GPATCH2: variants seen among roughly 807,000 people sequenced by gnomAD.
GPATCH2 encodes the protein G-patch domain containing 2.
GPATCH2 carries 51 observed loss-of-function variants against 58.0 expected under a neutral mutation model. The ratio of observed to expected loss-of-function variants is 0.88; its 90% CI spans 0.70 to 1.11. The LOEUF is 1.11. Among genes scored for constraint, GPATCH2 ranks in the 50% most tolerant of loss-of-function variants. The pLI, the probability that GPATCH2 is intolerant of heterozygous loss-of-function variation, is 0.00. For missense variants in GPATCH2, 625 were observed against 652.2 expected (o/e 0.96, Z 0.45); for synonymous variants, 222 against 218.5 (o/e 1.02, Z -0.14).
chr1:217,608,992 T>C, intron 5 of GPATCH2: 1 of 978,620 alleles, frequency 1.0e-6, no homozygotes, highest in Non-Finnish European at 1.2e-6. Context: ...AATGGCAACT[T>C]GAAGTTTCTT....
chr1:217,617,974 G>T (rs960915594), intron 2 of GPATCH2, among the ~76,000 whole-genome samples: 3 of 151,938 alleles, frequency 2.0e-5, no homozygotes, highest in Admixed American at 1.3e-4. Context: ...TAAAAAAAAG[G>T]GGGGGAGCTT....
At chr1:217,609,708 T>C (rs956990717) in intron 5 of GPATCH2, 2 of 965,050 alleles carry the variant, frequency 2.1e-6, no homozygotes, top group Middle Eastern at 5.3e-4. Flanking sequence ...TCTCTAAAAA[T>C]GAACCATAAA....
chr1:217,594,051 T>A (rs1289326474), intron 5 of GPATCH2, among the ~76,000 whole-genome samples: 2 of 152,116 alleles, frequency 1.3e-5, no homozygotes, highest in Non-Finnish European at 2.9e-5. Flanking sequence ...GTTACAAGTA[T>A]TAGAATAATA....
At chr1:217,515,432 T>G (rs1571842183) in intron 5 of GPATCH2, among the ~76,000 whole-genome samples, 1 of 152,114 alleles carries the variant, frequency 6.6e-6, no homozygotes, top group Non-Finnish European at 1.5e-5. Flanking sequence ...TAAAAGAATC[T>G]TGGCCGGGCA....
intron 5 of GPATCH2, among the ~76,000 whole-genome samples, chr1:217,567,985 C>T (rs763295541): frequency 5.9e-5 from 9 of 152,088 alleles, no homozygotes; most frequent in Non-Finnish European, 1.2e-4. Flanking sequence ...AGCACGGTGG[C>T]GGGCGCCTGC....
chr1:217,621,438 C>T (rs1669181737), intron 1 of GPATCH2, among the ~76,000 whole-genome samples: 2 of 152,114 alleles, frequency 1.3e-5, no homozygotes, highest in African/African-American at 2.4e-5. Flanking sequence ...TTGAAATATT[C>T]TCAACAGTCA....
At chr1:217,508,464 A>C (rs573084584) in intron 6 of GPATCH2, among the ~76,000 whole-genome samples, 72 of 152,280 alleles carry the variant, frequency 4.7e-4, no homozygotes, top group African/African-American at 1.5e-3. Flanking sequence ...CTCTACTTCA[A>C]ACTGAAATAA....
rs1301833808 is a variant in GPATCH2, at chr1:217,594,133, TAAACTGA to T, written c.1098+16181_1098+16187del. 3.3e-5 allele frequency among the ~76,000 whole-genome samples: 5 copies of T among 152,216 alleles called. No individual in the cohort carries two copies. The South Asian group carries it at 6.2e-4, about 19-fold the overall frequency. Reference sequence around the variant, plus strand: ...GCTCCATAAATGTAAAACTAAATTTTAAACTGAATATATCATATGTGATGCATATTTG... The same window carrying T: ...GCTCCATAAATGTAAAACTAAATTTTATATATCATATGTGATGCATATTTG... On this transcript the variant is annotated intron_variant, in intron 5 of 9. Transcript: ENST00000366935.
At chr1:217,435,560 C>T (rs890541725) in intron 9 of GPATCH2, among the ~76,000 whole-genome samples, 4 of 152,130 alleles carry the variant, frequency 2.6e-5, no homozygotes, top group Non-Finnish European at 4.4e-5. Context: ...TAGTGCACTC[C>T]GCCTCTGTCC....
intron 1 of GPATCH2, among the ~76,000 whole-genome samples, chr1:217,623,825 C>T (rs1326806824): frequency 6.6e-6 from 1 of 151,902 alleles, no homozygotes; most frequent in Non-Finnish European, 1.5e-5. Flanking sequence ...TCACTTGAAC[C>T]CAGGAGGCGG....
At position 217,528,831 on chromosome 1, in the gene GPATCH2, G is replaced by A. The variant is rs1571867677; in HGVS notation, c.1099-13942C>T. Among the ~76,000 whole-genome samples, 3 of 152,304 alleles carry A rather than the reference G, an allele frequency of 2.0e-5. No individual in the cohort carries two copies. In the South Asian group the frequency reaches 6.2e-4, roughly 32 times the overall value. ...CCAGGAGTTCCTGTACCCTCTTGAG[G>A]GGACCAGGGTGAGGACTGTCTTGGG... On this transcript the variant is annotated intron_variant, in intron 5 of 9. Transcript: ENST00000366935.
chr1:217,533,614 A>G (rs1047855385), intron 5 of GPATCH2, among the ~76,000 whole-genome samples: 2 of 152,150 alleles, frequency 1.3e-5, no homozygotes, highest in African/African-American at 4.8e-5. Flanking sequence ...TGTTTCTCCC[A>G]TACATTGCTC....
At chr1:217,539,009 C>T (rs1190496923) in intron 5 of GPATCH2, among the ~76,000 whole-genome samples, 2 of 152,032 alleles carry the variant, frequency 1.3e-5, no homozygotes, top group East Asian at 3.9e-4. Context: ...ACAAGATTTG[C>T]CATTTGGGGT....
At chr1:217,552,723 G>C (rs540575982) in intron 5 of GPATCH2, among the ~76,000 whole-genome samples, 1 of 152,124 alleles carries the variant, frequency 6.6e-6, no homozygotes, top group Non-Finnish European at 1.5e-5. Flanking sequence ...TAGGTCTACA[G>C]AGATGAAATA....
At chr1:217,604,354 A>G (rs565875899) in intron 5 of GPATCH2, among the ~76,000 whole-genome samples, 2 of 152,262 alleles carry the variant, frequency 1.3e-5, no homozygotes, top group East Asian at 3.9e-4. Flanking sequence ...CAAAAAAAAA[A>G]AAAAAGTATC....
intron 9 of GPATCH2, among the ~76,000 whole-genome samples, chr1:217,434,739 G>T (rs1658730671): frequency 6.6e-6 from 1 of 152,146 alleles, no homozygotes; most frequent in Admixed American, 6.6e-5. Flanking sequence ...AAAGTGAACA[G>T]CAAATGATAA....
intron 5 of GPATCH2, among the ~76,000 whole-genome samples, chr1:217,564,404 A>T (rs1666102931): frequency 6.6e-6 from 1 of 152,216 alleles, no homozygotes; most frequent in Non-Finnish European, 1.5e-5. Context: ...GCAACAAATT[A>T]ACTCAGCTCC....
At chr1:217,538,365 T>A (rs1419973962) in intron 5 of GPATCH2, among the ~76,000 whole-genome samples, 1 of 152,250 alleles carries the variant, frequency 6.6e-6, no homozygotes, top group Non-Finnish European at 1.5e-5. Context: ...AAAATGATGT[T>A]ATGTGCTATG....
At chr1:217,517,376 AG>A (rs1663218392) in intron 5 of GPATCH2, among the ~76,000 whole-genome samples, 1 of 152,142 alleles carries the variant, frequency 6.6e-6, no homozygotes, top group Admixed American at 6.5e-5. Flanking sequence ...GGTCTGCCTC[AG>A]GAGTAAAATG....
Sources: gnomAD v4.1 joint callset for allele counts (sites outside exome capture counted in the v4.1 genomes callset) on GRCh38, gnomAD v4.1.1 for gene constraint, MANE v1.5 for transcripts, NCBI Gene and HGNC (gene_info 2026-07-23, HGNC 2026-07-21) for gene names.